NTM: variants seen among roughly 807,000 people sequenced by gnomAD.
The protein encoded by NTM is IgLON family member 2.
Under a neutral mutation model 42.1 loss-of-function variants are expected in NTM, and 13 were observed. That is an observed-to-expected ratio of 0.31 (90% CI 0.20 to 0.49). The LOEUF is 0.49. NTM is among the 20% of genes least tolerant of loss of function. The probability of loss-of-function intolerance (pLI) is 0.99; values close to 1 mark genes in which losing one functional copy is unlikely to be tolerated. For synonymous variants in NTM, 187 were observed against 179.2 expected, an observed-to-expected ratio of 1.04 and a Z score of -0.35; for missense variants, 373 against 452.8, an observed-to-expected ratio of 0.82 and a Z score of 1.60.
intron 4 of NTM, among the ~76,000 whole-genome samples, chr11:132,217,386 G>GTGTGTGTGTGTA (rs1555319497): frequency 6.6e-6 from 1 of 150,386 alleles, no homozygotes; most frequent in Non-Finnish European, 1.5e-5. Flanking sequence ...GTGTGTGTGT[G>GTGTGTGTGTGTA]TGTGTATGTG....
intron 1 of NTM, among the ~76,000 whole-genome samples, chr11:131,885,729 T>C (rs530400957): frequency 6.6e-6 from 1 of 152,292 alleles, no homozygotes; most frequent in South Asian, 2.1e-4. Context: ...GCGGTTGAAT[T>C]ATGGAATAAC....
At chr11:131,962,325 G>T (rs543322581) in intron 2 of NTM, among the ~76,000 whole-genome samples, 11 of 152,174 alleles carry the variant, frequency 7.2e-5, no homozygotes, top group Non-Finnish European at 1.6e-4. Context: ...TAATGTTATG[G>T]ACTGCACAAT....
At chr11:131,730,266 A>C (rs1458471197) in intron 1 of NTM, among the ~76,000 whole-genome samples, 2 of 152,186 alleles carry the variant, frequency 1.3e-5, no homozygotes, top group Non-Finnish European at 2.9e-5. Context: ...TGTATTTGAG[A>C]TTGAGATAGC....
chr11:131,566,030 A>G (rs918341195), intron 1 of NTM, among the ~76,000 whole-genome samples: 1 of 152,222 alleles, frequency 6.6e-6, no homozygotes, highest in African/African-American at 2.4e-5. Flanking sequence ...TTAGGAATGA[A>G]AATGTGATGT....
intron 3 of NTM, among the ~76,000 whole-genome samples, chr11:132,157,190 G>T (rs2073367399): frequency 6.6e-6 from 1 of 152,092 alleles, no homozygotes. Flanking sequence ...TATAGAAAAA[G>T]GAAACAAATA....
chr11:131,766,418 T>C (rs1348082062), intron 1 of NTM, among the ~76,000 whole-genome samples: 2 of 152,196 alleles, frequency 1.3e-5, no homozygotes, highest in East Asian at 1.9e-4. Context: ...TGCGACAGAA[T>C]GGCAGCAAAA....
chr11:131,459,726 T>G (rs1555117540), intron 1 of NTM, among the ~76,000 whole-genome samples: 2 of 152,182 alleles, frequency 1.3e-5, no homozygotes, highest in Non-Finnish European at 2.9e-5. Context: ...GTCCTGATAG[T>G]GTTGAGTAGT....
intron 4 of NTM, among the ~76,000 whole-genome samples, chr11:132,215,000 T>A (rs2083538681): frequency 6.6e-6 from 1 of 152,220 alleles, no homozygotes; most frequent in Non-Finnish European, 1.5e-5. Flanking sequence ...AGATCAGAGA[T>A]GTCACTTGGC....
intron 1 of NTM, among the ~76,000 whole-genome samples, chr11:131,789,605 A>AAGGAGAAGGAGAAGG (rs1303320721): frequency 1.2e-4 from 9 of 75,594 alleles, no homozygotes; most frequent in Non-Finnish European, 2.1e-4. Context: ...GAAGAAGAAG[A>AAGGAGAAGGAGAAGG]AGAAGAAGAA....
At chr11:132,137,919 G>T (rs188192627) in intron 2 of NTM, among the ~76,000 whole-genome samples, 156 of 152,308 alleles carry the variant, frequency 1.0e-3, no homozygotes, top group South Asian at 6.0e-3. Flanking sequence ...GTGCTAGCTT[G>T]CTGGCTTTGT....
intron 1 of NTM, among the ~76,000 whole-genome samples, chr11:131,645,609 A>T (rs552698458): frequency 6.6e-6 from 1 of 152,340 alleles, no homozygotes; most frequent in Admixed American, 6.5e-5. Flanking sequence ...CCTTCATCTA[A>T]ATATGTACTT....
chr11:131,548,394 T>G (rs898720452), intron 1 of NTM, among the ~76,000 whole-genome samples: 1 of 152,196 alleles, frequency 6.6e-6, no homozygotes, highest in Non-Finnish European at 1.5e-5. Flanking sequence ...ATTATTTTTT[T>G]AAAAAGCCTA....
intron 1 of NTM, among the ~76,000 whole-genome samples, chr11:131,590,005 A>G (rs546446537): frequency 6.6e-6 from 1 of 152,338 alleles, no homozygotes; most frequent in South Asian, 2.1e-4. Flanking sequence ...GATATTCACC[A>G]AGGAACTGGA....
At chr11:132,198,498 C>A (rs185698343) in intron 3 of NTM, among the ~76,000 whole-genome samples, 1 of 152,112 alleles carries the variant, frequency 6.6e-6, no homozygotes, top group Non-Finnish European at 1.5e-5. Context: ...ACTGCACCTG[C>A]GCTTATAAAT....
At chr11:131,420,186 C>G (rs1022130505) in intron 1 of NTM, among the ~76,000 whole-genome samples, 2 of 152,142 alleles carry the variant, frequency 1.3e-5, no homozygotes, top group Non-Finnish European at 2.9e-5. Flanking sequence ...GGTTAAGAAT[C>G]CTCAGATGGG....
chr11:131,548,453 A>C (rs1226388370), intron 1 of NTM, among the ~76,000 whole-genome samples: 2 of 152,164 alleles, frequency 1.3e-5, no homozygotes, highest in Non-Finnish European at 2.9e-5. Flanking sequence ...TTTTATATTC[A>C]GAGTTCTTTC....
At chr11:131,735,835 G>GGTGTGTGTGT (rs398018112) in intron 1 of NTM, among the ~76,000 whole-genome samples, 299 of 121,370 alleles carry the variant, frequency 2.5e-3, no homozygotes, top group African/African-American at 5.4e-3. Context: ...CCATTCATAA[G>GGTGTGTGTGT]GTGTGTGTGT....
At chr11:131,990,559 C>T (rs1270338418) in intron 2 of NTM, among the ~76,000 whole-genome samples, 2 of 151,746 alleles carry the variant, frequency 1.3e-5, no homozygotes, top group African/African-American at 4.8e-5. Flanking sequence ...AATCCAGGTT[C>T]CTTCAGTCTT....
At chr11:132,000,881 CTT>C (rs2069080979) in intron 2 of NTM, among the ~76,000 whole-genome samples, 1 of 152,160 alleles carries the variant, frequency 6.6e-6, no homozygotes, top group African/African-American at 2.4e-5. Flanking sequence ...TAAGAAATGA[CTT>C]TTTACTGGCG....
Sources: allele counts gnomAD v4.1 joint callset (sites outside exome capture counted in the v4.1 genomes callset), GRCh38; gene constraint gnomAD v4.1.1; transcripts MANE v1.5; gene names NCBI Gene and HGNC (gene_info 2026-07-23, HGNC 2026-07-21).